CLEC4C: variants seen among roughly 807,000 people sequenced by gnomAD.
CLEC4C encodes the protein C-type lectin domain family 4 member C, also known as C-type (calcium dependent, carbohydrate-recognition domain) lectin, superfamily member 11.
CLEC4C carries 17 observed loss-of-function variants against 27.7 expected under a neutral mutation model. The observed-to-expected ratio is 0.61, with a 90% confidence interval of 0.42 to 0.92. The LOEUF (loss-of-function observed/expected upper bound fraction) is 0.92. CLEC4C is among the 40% of genes least tolerant of loss of function. The pLI is 0.00. For synonymous variants in CLEC4C, 80 were observed against 80.8 expected (o/e 0.99, Z 0.06); for missense variants, 244 against 257.3 (o/e 0.95, Z 0.35).
chr12:7,740,650 G>A (rs61938701), intron 3 of CLEC4C, among the ~76,000 whole-genome samples: 46,735 of 150,866 alleles, frequency 0.31, 7,617 homozygotes, highest in Admixed American at 0.35. Context: ...GCAGTGAGCC[G>A]AGATCGCGCC....
intron 3 of CLEC4C, among the ~76,000 whole-genome samples, chr12:7,739,831 C>T (rs1864813895): frequency 6.7e-6 from 1 of 150,086 alleles, no homozygotes; most frequent in African/African-American, 2.5e-5. Flanking sequence ...AGGCACATGC[C>T]ACCATAGCTC....
rs543771858 is a variant in CLEC4C at position 7,738,985 on chromosome 12, A to C, written c.236-1411T>G. 2.3e-3 allele frequency among the ~76,000 whole-genome samples: 184 copies of C among 79,202 alleles called. 1 individual carries two copies. The highest frequency in any genetic ancestry group is 3.9e-3 in the Non-Finnish European group (163 of 41,784). The allele number at this position is 79,202 out of a possible 152,430, so 52.0% of individuals were successfully genotyped here. ...CCCTCCCCACCCCACAACAGGCCCC[A>C]GTGTGTGATGTTCCCCACCCTGTGT... On this transcript the variant is annotated intron_variant, in intron 3 of 5. Transcript: ENST00000360345.
intron 4 of CLEC4C, among the ~76,000 whole-genome samples, chr12:7,737,089 G>A (rs1288288573): frequency 6.6e-6 from 1 of 151,814 alleles, no homozygotes; most frequent in Admixed American, 6.6e-5. Flanking sequence ...AAATTAGCCA[G>A]GCGTGGCGGT....
In CLEC4C at chr12:7,747,336, C is replaced by T; in HGVS notation, c.13G>A (p.Glu5Lys). The T allele has an allele frequency of 1.9e-6, 3 of 1,614,152 alleles. No individual in the cohort carries two copies. The highest frequency in any genetic ancestry group is 2.5e-6 in the Non-Finnish European group (3 of 1,180,014). The part of the protein sequence containing the change: MVPE[E>K]EPQDREKGLW... ...TGCTTACCTCGGTCTTGAGGCTCTTCTTCAGGCACCATTGTGTGTGCGCAC... is the reference window on the plus strand; with the variant it reads ...TGCTTACCTCGGTCTTGAGGCTCTTTTTCAGGCACCATTGTGTGTGCGCAC... The change falls in exon 1 of 6, where the codon GAA (glutamate) becomes AAA (lysine). Residue 5 changes from glutamate to lysine, a missense_variant. By Grantham distance (56) the Glu-to-Lys change is moderately conservative. Coordinates refer to ENST00000360345, the MANE Select transcript of CLEC4C (RefSeq NM_001371390.1).
chr12:7,747,012 C>A (rs989195909), intron 1 of CLEC4C, among the ~76,000 whole-genome samples: 39 of 152,226 alleles, frequency 2.6e-4, no homozygotes, highest in African/African-American at 9.1e-4. Context: ...TTAGTAGAGA[C>A]AGGGTTTCTC....
At position 7,730,881 on chromosome 12, in the gene CLEC4C, G is replaced by T. The variant is rs1592087500; in HGVS notation, c.413C>A (p.Ser138Tyr). The stretch of plus-strand genomic sequence containing the variant: ...ATCTGACAGCCCCAGAAAATAAGAA[G>T]AATTTCTTTTCAGATTCTGAATGAT... ...DFIIQNLKRN[S>Y]SYFLGLSDPG... Residue 138 changes from serine (S) to tyrosine (Y), a missense_variant, in exon 5 of 6, where the codon TCT (serine) becomes TAT (tyrosine). Ser to Tyr is a moderately radical substitution (Grantham distance 144). Transcript: ENST00000360345. 7 of 1,604,998 alleles carry T rather than the reference G, an allele frequency of 4.4e-6. No homozygotes were observed. The highest frequency in any genetic ancestry group is 1.1e-5 in the South Asian group (1 of 90,868).
chr12:7,731,018 TTCAAGGAAATCA>T, intron 4 of CLEC4C, 106 bp from the exon 5 acceptor site: 1 of 584,444 alleles, frequency 1.7e-6, no homozygotes, highest in Non-Finnish European at 3.2e-6. Context: ...CCTCATGCAT[TTCAAGGAAATCA>T]CTTCTCTTCT....
chr12:7,742,791 AGAAC>A (rs1864886488), intron 2 of CLEC4C, among the ~76,000 whole-genome samples: 1 of 151,392 alleles, frequency 6.6e-6, no homozygotes, highest in South Asian at 2.1e-4. Flanking sequence ...GCCTGGCAAC[AGAAC>A]GAGACTCCAT....
chr12:7,746,324 A>T lies in CLEC4C; in HGVS notation c.124+7T>A, dbSNP rs773853927. On this transcript the variant is annotated splice_region_variant and intron_variant, in intron 2 of 5. Transcript: ENST00000360345. ...AAGAGATGACTGCACTCCAGCCAAGAACTTACCCACAGAACTCACAGTGAA... is the reference window on the plus strand; with the variant it reads ...AAGAGATGACTGCACTCCAGCCAAGTACTTACCCACAGAACTCACAGTGAA... 36 of 1,594,720 alleles carry T rather than the reference A, an allele frequency of 2.3e-5. No individual in the cohort carries two copies. The highest frequency in any genetic ancestry group is 3.1e-5 in the Non-Finnish European group (36 of 1,162,826).
At chr12:7,748,325 A>C (rs1419303585), upstream of CLEC4C, among the ~76,000 whole-genome samples, 2 of 152,110 alleles carry the variant, frequency 1.3e-5, no homozygotes, top group East Asian at 3.9e-4. Context: ...CAAGAGATCG[A>C]GACCATCCTG....
At chr12:7,745,982 A>G (rs765814696) in intron 2 of CLEC4C, among the ~76,000 whole-genome samples, 13 of 151,936 alleles carry the variant, frequency 8.6e-5, no homozygotes, top group East Asian at 5.9e-4. Context: ...TTGGGAGGCC[A>G]AGGTGGGCGG....
At chr12:7,735,661 C>A (rs1440603462) in intron 4 of CLEC4C, among the ~76,000 whole-genome samples, 1 of 149,788 alleles carries the variant, frequency 6.7e-6, no homozygotes, top group African/African-American at 2.5e-5. Context: ...AAAAATTAGC[C>A]AGGTGTGGTG....
chr12:7,742,928 T>C (rs1297034959), intron 2 of CLEC4C, among the ~76,000 whole-genome samples: 1 of 152,232 alleles, frequency 6.6e-6, no homozygotes, highest in Non-Finnish European at 1.5e-5. Flanking sequence ...TGTTTTTTTC[T>C]CATGCTTCTT....
chr12:7,736,163 G>A (rs761302957), intron 4 of CLEC4C, among the ~76,000 whole-genome samples: 1 of 151,966 alleles, frequency 6.6e-6, no homozygotes, highest in East Asian at 1.9e-4. Flanking sequence ...CGCACCTGGA[G>A]TCCCAGTTAC....
chr12:7,741,544 A>C lies in CLEC4C; in HGVS notation c.125-13T>G. The C allele has an allele frequency of 7.2e-7, 1 of 1,388,162 alleles. No homozygotes were observed. The highest frequency in any genetic ancestry group is 1.0e-6 in the Non-Finnish European group (1 of 973,512). 86.0% of individuals were successfully genotyped at this position (1,388,162 alleles called of 1,614,324 possible). On this transcript the variant is annotated splice_polypyrimidine_tract_variant and intron_variant, in intron 2 of 5. Transcript: ENST00000360345. ...AAATTGTGAGGCACTGGGAAAGAGAAATCGGAGTTAGTTCTCATTCTTTTA... is the reference window on the plus strand; with the variant it reads ...AAATTGTGAGGCACTGGGAAAGAGACATCGGAGTTAGTTCTCATTCTTTTA...
chr12:7,740,203 C>T, intron 3 of CLEC4C, among the ~76,000 whole-genome samples: 1 of 151,708 alleles, frequency 6.6e-6, no homozygotes, highest in Non-Finnish European at 1.5e-5. Flanking sequence ...GTTTCAAGCT[C>T]CCGTGCTTAG....
In CLEC4C at chr12:7,729,424, A is replaced by G. The variant is rs1864536496; in HGVS notation, c.*172T>C. On this transcript the variant is annotated 3_prime_UTR_variant, in exon 6 of 6. Coordinates refer to ENST00000360345, the MANE Select transcript of CLEC4C (RefSeq NM_001371390.1). ...ATTTTATGAATGAATAAATGAATAA[A>G]TGAATAAATGAATGTGTGAATGGAT... 1.7e-6 allele frequency: 1 copy of G among 580,788 alleles called. No individual in the cohort carries two copies. Among genetic ancestry groups the G allele is most frequent in the Non-Finnish European group, 3.0e-6 (1 of 334,994 alleles). The allele number at this position is 580,788 out of a possible 1,614,324, so 36.0% of individuals were successfully genotyped here.
chr12:7,747,500 T>C, upstream of CLEC4C: 1 of 705,576 alleles, frequency 1.4e-6, no homozygotes. Flanking sequence ...AAGGAAGAGA[T>C]GTGACTTAGG....
At chr12:7,736,588 G>A (rs188421150) in intron 4 of CLEC4C, among the ~76,000 whole-genome samples, 15 of 151,944 alleles carry the variant, frequency 9.9e-5, no homozygotes, top group African/African-American at 3.1e-4. Context: ...ATGTTTGCCT[G>A]AAGTTTGCTC....
Sources: gnomAD v4.1 joint callset for allele counts (sites outside exome capture counted in the v4.1 genomes callset) on GRCh38, gnomAD v4.1.1 for gene constraint, MANE v1.5 for transcripts, NCBI Gene and HGNC (gene_info 2026-07-23, HGNC 2026-07-21) for gene names.